PRR5L: variants seen among roughly 807,000 people sequenced by gnomAD.
PRR5L encodes proline rich 5 like.
PRR5L carries 21 observed loss-of-function variants against 36.4 expected under a neutral mutation model. The observed-to-expected ratio is 0.58, with a 90% CI of 0.41 to 0.83. The LOEUF (loss-of-function observed/expected upper bound fraction) is 0.83, where lower values mean the gene tolerates loss of function less well. Among genes scored for constraint, PRR5L ranks in the 40% least tolerant of loss-of-function variants. The pLI is 0.00. For synonymous variants in PRR5L, 188 were observed against 197.0 expected (o/e 0.95, Z 0.38); for missense variants, 381 against 473.3 (o/e 0.80, Z 1.81).
intron 1 of PRR5L, among the ~76,000 whole-genome samples, chr11:36,366,245 G>T (rs1298754948): frequency 6.6e-6 from 1 of 152,136 alleles, no homozygotes; most frequent in Non-Finnish European, 1.5e-5. Flanking sequence ...GATAATAATA[G>T]CACCTCTTTC....
chr11:36,380,280 T>C (rs1032307263), intron 1 of PRR5L, among the ~76,000 whole-genome samples: 6 of 152,142 alleles, frequency 3.9e-5, no homozygotes, highest in African/African-American at 7.2e-5. Context: ...ATTACTAGCA[T>C]TGGCCTGGGC....
At chr11:36,416,137 G>T (rs1171605155) in intron 3 of PRR5L, among the ~76,000 whole-genome samples, 1 of 151,996 alleles carries the variant, frequency 6.6e-6, no homozygotes, top group Non-Finnish European at 1.5e-5. Flanking sequence ...CACTTTATTG[G>T]TGCATATTTA....
chr11:36,459,548 A>G (rs1325664965), intron 8 of PRR5L, among the ~76,000 whole-genome samples: 1 of 152,190 alleles, frequency 6.6e-6, no homozygotes, highest in African/African-American at 2.4e-5. Context: ...TCTGTGCTCC[A>G]GTCCCAGCTT....
rs145839222 is a variant in PRR5L, at chr11:36,452,515, TCTC to T, written c.712+1183_712+1185del. On this transcript the variant is annotated intron_variant, in intron 8 of 8. Transcript: ENST00000530639. Reference sequence around the variant, plus strand: ...CCCCAGCCTGCTGCCTGCTGGTTCTTCTCCTTCCTCCCTCCCTTCCTCACTCAT... The same window carrying T: ...CCCCAGCCTGCTGCCTGCTGGTTCTTCTTCCTCCCTCCCTTCCTCACTCAT... Among the ~76,000 whole-genome samples the T allele has an allele frequency of 2.0e-5, 3 of 152,302 alleles. No homozygotes were observed. In the East Asian group the frequency reaches 5.8e-4, roughly 29 times the overall value.
intron 4 of PRR5L, 112 bp downstream of exon 4, chr11:36,419,415 T>C: frequency 1.1e-6 from 1 of 922,698 alleles, no homozygotes; most frequent in South Asian, 1.3e-5. Flanking sequence ...CAAAATTACG[T>C]ATCTCAAGTC....
At chr11:36,431,604 C>T (rs746763) in intron 4 of PRR5L, among the ~76,000 whole-genome samples, 3 of 151,978 alleles carry the variant, frequency 2.0e-5, no homozygotes, top group East Asian at 1.9e-4. Flanking sequence ...CCTCTTCCCT[C>T]GTCTGAGGGA....
rs780427819 is a variant in PRR5L at position 36,431,841 on chromosome 11, C to G, written c.295-12C>G. 2 of 1,613,836 alleles carry G rather than the reference C, an allele frequency of 1.2e-6. No homozygotes were observed. The highest frequency in any genetic ancestry group is 1.7e-6 in the Non-Finnish European group (2 of 1,179,704). Reference sequence around the variant, plus strand: ...TGTCCAAATTCTTATGTTCTTTGTTCTCTTTTGGCAGAACCAGCTTCTTGC... The same window carrying G: ...TGTCCAAATTCTTATGTTCTTTGTTGTCTTTTGGCAGAACCAGCTTCTTGC... On this transcript the variant is annotated splice_polypyrimidine_tract_variant and intron_variant, in intron 4 of 8. Coordinates refer to ENST00000530639, the MANE Select transcript of PRR5L (RefSeq NM_001160167.2).
In PRR5L at chr11:36,376,723, G is replaced by A. The variant is rs1004769156; in HGVS notation, c.-125-24274G>A. The A allele has an allele frequency of 8.1e-6, 8 of 986,294 alleles. No homozygotes were observed. The African/African-American group carries it at 1.0e-4, about 13-fold the overall frequency. 61.1% of individuals were successfully genotyped at this position (986,294 alleles called of 1,614,324 possible). A position where few individuals can be genotyped will look rare whatever the true frequency, so the allele number is the denominator to read the frequency against. Reference sequence around the variant, plus strand: ...CAAGGAGGTGAGTGGTGGGTGGGGGGCGTCTCTGGGAGGGGCCGGAGTCAT... The same window carrying A: ...CAAGGAGGTGAGTGGTGGGTGGGGGACGTCTCTGGGAGGGGCCGGAGTCAT... On this transcript the variant is annotated intron_variant, in intron 1 of 8. Coordinates refer to ENST00000530639, the MANE Select transcript of PRR5L (RefSeq NM_001160167.2).
intron 1 of PRR5L, among the ~76,000 whole-genome samples, chr11:36,347,658 C>T (rs190720308): frequency 6.6e-6 from 1 of 151,836 alleles, no homozygotes; most frequent in African/African-American, 2.4e-5. Flanking sequence ...GCCCTCACAT[C>T]CTAGAGAGGA....
intron 1 of PRR5L, among the ~76,000 whole-genome samples, chr11:36,380,971 C>A (rs984337866): frequency 6.6e-6 from 1 of 152,226 alleles, no homozygotes; most frequent in African/African-American, 2.4e-5. Flanking sequence ...TTGTAAACAT[C>A]TACCCCCTCC....
chr11:36,414,175 C>T (rs1267368119), intron 3 of PRR5L, among the ~76,000 whole-genome samples: 4 of 151,502 alleles, frequency 2.6e-5, no homozygotes, highest in South Asian at 4.2e-4. Context: ...AGTAAACATA[C>T]GTGTGCATGT....
chr11:36,426,188 G>T (rs969304259), intron 4 of PRR5L: 5 of 152,232 alleles, frequency 3.3e-5, no homozygotes, highest in African/African-American at 9.7e-5. Context: ...TCTGGGCAAG[G>T]ACATAGGACA....
At chr11:36,427,167 C>T (rs1017462416) in intron 4 of PRR5L, among the ~76,000 whole-genome samples, 3 of 152,192 alleles carry the variant, frequency 2.0e-5, no homozygotes, top group African/African-American at 7.2e-5. Flanking sequence ...TTTCTGTTTG[C>T]AGCCCGTTTT....
chr11:36,438,886 G>C (rs1248391512), intron 6 of PRR5L, among the ~76,000 whole-genome samples: 1 of 152,176 alleles, frequency 6.6e-6, no homozygotes, highest in Non-Finnish European at 1.5e-5. Context: ...AGTGAGCTGA[G>C]ATTGCACCAC....
intron 1 of PRR5L, chr11:36,329,224 T>C (rs920947193): frequency 6.6e-6 from 1 of 152,222 alleles, no homozygotes; most frequent in Non-Finnish European, 1.5e-5. Context: ...GTTATTTCCT[T>C]GAGCATGGCA....
chr11:36,343,684 T>C (rs937175615), intron 1 of PRR5L, among the ~76,000 whole-genome samples: 4 of 152,202 alleles, frequency 2.6e-5, no homozygotes, highest in Admixed American at 6.5e-5. Flanking sequence ...TTATAGTGGT[T>C]TCCATCACTT....
chr11:36,431,879 C>A lies in PRR5L; in HGVS notation c.321C>A (p.Phe107Leu). 1 of 1,614,096 alleles carries A rather than the reference C, an allele frequency of 6.2e-7. No individual in the cohort carries two copies. The highest frequency in any genetic ancestry group is 8.5e-7 in the Non-Finnish European group (1 of 1,179,990). Residue 107 changes from phenylalanine (F) to leucine (L), a missense_variant, in exon 5 of 9, where the codon TTC (phenylalanine) becomes TTA (leucine). Phe to Leu is a conservative substitution (Grantham distance 22). Coordinates refer to ENST00000530639, the MANE Select transcript of PRR5L (RefSeq NM_001160167.2). ...ACCAGCTTCTTGCAAAAGGACTGTT[C>A]TTTGTGGAGGAGAAGATCAAGCTGT... ...FQNQLLAKGL[F>L]FVEEKIKLCE...
At chr11:36,368,817 G>A (rs1342907537) in intron 1 of PRR5L, among the ~76,000 whole-genome samples, 1 of 152,096 alleles carries the variant, frequency 6.6e-6, no homozygotes, top group African/African-American at 2.4e-5. Context: ...ATATGTGATG[G>A]TTTTACTATT....
At chr11:36,451,144 G>A (rs1858936093) in intron 7 of PRR5L, 65 bp from the exon 8 acceptor site, 1 of 1,586,564 alleles carries the variant, frequency 6.3e-7, no homozygotes, top group Non-Finnish European at 8.6e-7. Context: ...GATTTGTTGA[G>A]TGAGAACCTG....
Sources: allele counts gnomAD v4.1 joint callset (sites outside exome capture counted in the v4.1 genomes callset), GRCh38; gene constraint gnomAD v4.1.1; transcripts MANE v1.5; gene names NCBI Gene and HGNC (gene_info 2026-07-23, HGNC 2026-07-21).